MYOM2: variants seen among roughly 807,000 people sequenced by gnomAD.
The protein encoded by MYOM2 is myomesin-2.
MYOM2 carries 254 observed loss-of-function variants against 187.6 expected under a neutral mutation model. The observed-to-expected ratio is 1.35, with a 90% CI of 1.22 to 1.50. The LOEUF (loss-of-function observed/expected upper bound fraction) is 1.50, where lower values mean the gene tolerates loss of function less well. Among genes scored for constraint, MYOM2 ranks in the 40% most tolerant of loss-of-function variants. MYOM2 has a pLI of 0.00. For missense variants in MYOM2, 2,796 were observed against 1,924.0 expected (o/e 1.45, Z -8.48); for synonymous variants, 981 against 753.8 (o/e 1.30, Z -4.94).
rs878884661 is a variant in MYOM2, at chr8:2,076,031, G to A, written c.1121-110G>A. 3.1e-5 allele frequency: 32 copies of A among 1,028,202 alleles called. No individual in the cohort carries two copies. The South Asian group carries it at 5.2e-4, about 17-fold the overall frequency. 63.7% of individuals were successfully genotyped at this position (1,028,202 alleles called of 1,614,324 possible). On this transcript the variant is annotated intron_variant, in intron 10 of 36. Transcript: ENST00000262113. ...GTACTTTGAACATGAGAATTAAACA[G>A]TGGTCAAATCAAGGGGATAGAATTG...
At position 2,069,283 on chromosome 8, in the gene MYOM2, AC is replaced by A; in HGVS notation, c.660del (p.Phe221LeufsTer26). The A allele has an allele frequency of 6.2e-7, 1 of 1,611,126 alleles. No individual in the cohort carries two copies. Among genetic ancestry groups the A allele is most frequent in the Non-Finnish European group, 8.5e-7 (1 of 1,178,426 alleles). ...CTTGTTTTTTTCTCTCCAAGGGCAGACTTTGACGACACTGCGACATACTCAG... is the reference window on the plus strand; with the variant it reads ...CTTGTTTTTTTCTCTCCAAGGGCAGATTTGACGACACTGCGACATACTCAG... The part of the protein sequence containing the change: ...GVHTLEINRA[D>X]FDDTATYSAV... On this transcript the variant is annotated frameshift_variant, in exon 7 of 37. Coordinates refer to ENST00000262113, the MANE Select transcript of MYOM2 (RefSeq NM_003970.4). LOFTEE classifies it high-confidence loss of function.
At chr8:2,112,601 G>C (rs191654238) in intron 25 of MYOM2, among the ~76,000 whole-genome samples, 1 of 152,234 alleles carries the variant, frequency 6.6e-6, no homozygotes, top group African/African-American at 2.4e-5. Context: ...TGAATGTCAG[G>C]CAGAAGAACT....
In MYOM2 at chr8:2,136,513, C is replaced by G. The variant is rs545253944; in HGVS notation, c.3801-4210C>G. Among the ~76,000 whole-genome samples the G allele has an allele frequency of 7.9e-5, 12 of 152,286 alleles. No homozygotes were observed. The South Asian group carries it at 2.5e-3, about 32-fold the overall frequency. ...AGTGTTCTTCCCCCAGATTGTGTGG[C>G]TGTTGTAAAGAATCTCTCGCTGAAG... On this transcript the variant is annotated intron_variant, in intron 32 of 36. Coordinates refer to ENST00000262113, the MANE Select transcript of MYOM2 (RefSeq NM_003970.4).
chr8:2,118,020 G>C, intron 28 of MYOM2, 68 bp downstream of exon 28: 1 of 1,394,198 alleles, frequency 7.2e-7, no homozygotes, highest in South Asian at 1.2e-5. Flanking sequence ...AGGCCTTTCA[G>C]GGAGTAGCTG....
intron 2 of MYOM2, 77 bp downstream of exon 2, chr8:2,050,950 G>A (rs1318418688): frequency 2.5e-5 from 29 of 1,178,126 alleles, no homozygotes; most frequent in Middle Eastern, 1.9e-4. Context: ...TTCCAGTTCC[G>A]TCAGCCCTGG....
At chr8:2,109,116 G>C (rs866788800) in intron 24 of MYOM2, among the ~76,000 whole-genome samples, 1 of 152,182 alleles carries the variant, frequency 6.6e-6, no homozygotes, top group African/African-American at 2.4e-5. Flanking sequence ...GAAATCTTCT[G>C]TTATTGAATT....
intron 13 of MYOM2, among the ~76,000 whole-genome samples, chr8:2,081,475 C>A: frequency 6.6e-6 from 1 of 152,332 alleles, no homozygotes; most frequent in African/African-American, 2.4e-5. Context: ...TCACTCCTCA[C>A]GAGCAGACAG....
rs1796043565 is a variant in MYOM2, at chr8:2,086,307, C to CACTGTCATGATCTCTGGCACT, written c.1644+917_1644+918insACTGTCATGATCTCTGGCACT. On this transcript the variant is annotated intron_variant, in intron 14 of 36. Coordinates refer to ENST00000262113, the MANE Select transcript of MYOM2 (RefSeq NM_003970.4). ...CACTGTCGTGATCTCCGCGTGGCCC[C>CACTGTCATGATCTCTGGCACT]CCACAGTCGTGATCTCTGCGTGGCC... Among the ~76,000 whole-genome samples the CACTGTCATGATCTCTGGCACT allele has an allele frequency of 4.2e-5, 6 of 143,626 alleles. 2 individuals carry two copies. The highest frequency in any genetic ancestry group is 3.5e-4 in the Admixed American group (5 of 14,294). 94.2% of individuals were successfully genotyped at this position (143,626 alleles called of 152,430 possible).
chr8:2,132,120 A>G (rs1264347211), intron 32 of MYOM2, among the ~76,000 whole-genome samples: 2 of 152,242 alleles, frequency 1.3e-5, no homozygotes, highest in Non-Finnish European at 2.9e-5. Flanking sequence ...TAATAAGAAA[A>G]TTAGTTGGAA....
At chr8:2,053,597 G>T (rs1035173580) in intron 3 of MYOM2, among the ~76,000 whole-genome samples, 5 of 152,234 alleles carry the variant, frequency 3.3e-5, no homozygotes, top group African/African-American at 1.2e-4. Context: ...TGACTTTCAA[G>T]ACAGCCTTGG....
intron 3 of MYOM2, among the ~76,000 whole-genome samples, chr8:2,052,910 G>T (rs146392117): frequency 2.0e-4 from 31 of 152,322 alleles, no homozygotes; most frequent in Non-Finnish European, 4.1e-4. Context: ...GAGGCAGCTC[G>T]TGGGGTGAAA....
intron 32 of MYOM2, among the ~76,000 whole-genome samples, chr8:2,133,706 C>A (rs7008766): frequency 0.02 from 3,053 of 152,296 alleles, 95 homozygotes; most frequent in African/African-American, 0.07. Context: ...GGTGATCCAC[C>A]TGCCTCGGCC....
rs1031812245 is a variant in MYOM2, at chr8:2,097,150, G to A, written c.2313+716G>A. Reference sequence around the variant, plus strand: ...GGGCTTTCTTTTTTGGAGAGTGTAAGGCCTTAGAAGATCTAATCTTTGTCT... The same window carrying A: ...GGGCTTTCTTTTTTGGAGAGTGTAAAGCCTTAGAAGATCTAATCTTTGTCT... On this transcript the variant is annotated intron_variant, in intron 18 of 36. Coordinates refer to ENST00000262113, the MANE Select transcript of MYOM2 (RefSeq NM_003970.4). 4 of 970,752 alleles carry A rather than the reference G, an allele frequency of 4.1e-6. No individual in the cohort carries two copies. The African/African-American group carries it at 7.0e-5, about 17-fold the overall frequency. 60.1% of individuals were successfully genotyped at this position (970,752 alleles called of 1,614,324 possible).
chr8:2,085,169 C>T (rs2116698065), intron 13 of MYOM2, 94 bp from the exon 14 acceptor site: 1 of 1,468,238 alleles, frequency 6.8e-7, no homozygotes. Flanking sequence ...ACAAGTTCAA[C>T]ACCCACGTGG....
intron 31 of MYOM2, among the ~76,000 whole-genome samples, chr8:2,128,072 A>G (rs975891600): frequency 6.6e-6 from 1 of 152,150 alleles, no homozygotes; most frequent in African/African-American, 2.4e-5. Context: ...ATTAACATTC[A>G]CTTTAAAAAA....
intron 3 of MYOM2, among the ~76,000 whole-genome samples, chr8:2,055,703 A>T (rs1266967329): frequency 2.6e-5 from 4 of 152,130 alleles, no homozygotes; most frequent in Admixed American, 2.6e-4. Flanking sequence ...GCTGCTGGGG[A>T]AGCGCTGGTC....
chr8:2,129,503 G>A (rs1418033080), intron 32 of MYOM2, among the ~76,000 whole-genome samples: 1 of 152,186 alleles, frequency 6.6e-6, no homozygotes, highest in South Asian at 2.1e-4. Context: ...GGCTTTACTG[G>A]TAACACAGAT....
chr8:2,115,129 G>A (rs1258623947), intron 25 of MYOM2, among the ~76,000 whole-genome samples: 6 of 148,790 alleles, frequency 4.0e-5, no homozygotes, highest in Admixed American at 4.0e-4. Flanking sequence ...AGCACAAAAA[G>A]GTAAAAATAT....
intron 6 of MYOM2, among the ~76,000 whole-genome samples, chr8:2,065,824 A>C (rs982326912): frequency 3.3e-5 from 5 of 152,178 alleles, no homozygotes; most frequent in Non-Finnish European, 4.4e-5. Flanking sequence ...CGTAAGGTTC[A>C]TGTTGGGCTT....
Sources: allele counts gnomAD v4.1 joint callset (sites outside exome capture counted in the v4.1 genomes callset), GRCh38; gene constraint gnomAD v4.1.1; transcripts MANE v1.5; gene names NCBI Gene and HGNC (gene_info 2026-07-23, HGNC 2026-07-21).